The following DAB1 variants were observed in gnomAD, a reference collection of about 807,000 sequenced individuals.
DAB1 encodes the protein disabled homolog 1.
Under a neutral mutation model 64.6 loss-of-function variants are expected in DAB1, and 15 were observed. The ratio of observed to expected loss-of-function variants is 0.23; its 90% CI spans 0.16 to 0.36. The LOEUF (loss-of-function observed/expected upper bound fraction) is 0.36. DAB1 is among the 10% of genes least tolerant of loss of function. The pLI, the probability that DAB1 is intolerant of heterozygous loss-of-function variation, is 1.00. For synonymous variants in DAB1, 235 were observed against 251.9 expected (o/e 0.93, Z 0.64); for missense variants, 596 against 706.7 (o/e 0.84, Z 1.78).
At chr1:57,823,663 A>G (rs1652222270), downstream of DAB1, among the ~76,000 whole-genome samples, 1 of 152,144 alleles carries the variant, frequency 6.6e-6, no homozygotes, top group Non-Finnish European at 1.5e-5. Context: ...CCTCATCCCA[A>G]TTGTTGGGTA....
intron 5 of DAB1, among the ~76,000 whole-genome samples, chr1:57,924,930 T>C (rs890799833): frequency 3.3e-5 from 5 of 152,166 alleles, no homozygotes; most frequent in African/African-American, 1.2e-4. Context: ...TCACCATAAA[T>C]TGTATTAGTT....
chr1:57,847,268 A>T (rs1653330244), intron 1 of DAB1, among the ~76,000 whole-genome samples: 1 of 151,996 alleles, frequency 6.6e-6, no homozygotes. Context: ...TCAGCTTTTA[A>T]ATCACAGGAG....
chr1:57,110,311 AC>A (rs376590105), intron 4 of DAB1, among the ~76,000 whole-genome samples: 1 of 152,302 alleles, frequency 6.6e-6, no homozygotes, highest in African/African-American at 2.4e-5. Context: ...GAGCCCTGCT[AC>A]CTTCAGAGCT....
chr1:57,181,754 A>T (rs1220648360), intron 2 of DAB1, among the ~76,000 whole-genome samples: 1 of 152,236 alleles, frequency 6.6e-6, no homozygotes, highest in African/African-American at 2.4e-5. Context: ...AAGACAGGCA[A>T]ATGTGAATTT....
intron 2 of DAB1, among the ~76,000 whole-genome samples, chr1:57,185,919 G>A (rs766606803): frequency 3.3e-5 from 5 of 152,040 alleles, no homozygotes; most frequent in African/African-American, 7.2e-5. Context: ...AAGCAGAACC[G>A]TGGACAATTT....
At chr1:58,412,644 ACT>A (rs1205343954) in intron 3 of DAB1, among the ~76,000 whole-genome samples, 1 of 152,100 alleles carries the variant, frequency 6.6e-6, no homozygotes, top group Non-Finnish European at 1.5e-5. Context: ...TGAAAGGGAA[ACT>A]CTTTGTAAGA....
At chr1:58,405,696 T>C (rs562797627) in intron 3 of DAB1, among the ~76,000 whole-genome samples, 2 of 152,368 alleles carry the variant, frequency 1.3e-5, no homozygotes, top group African/African-American at 4.8e-5. Context: ...AGTATCCTTA[T>C]GTCTCCTGCT....
chr1:57,634,068 C>T (rs982019945), intron 7 of DAB1, among the ~76,000 whole-genome samples: 7 of 152,146 alleles, frequency 4.6e-5, no homozygotes, highest in Non-Finnish European at 8.8e-5. Flanking sequence ...TGCAGAAAGG[C>T]AGGGAAACTG....
chr1:58,535,903 A>G (rs532552469), intron 1 of DAB1, among the ~76,000 whole-genome samples: 4 of 152,302 alleles, frequency 2.6e-5, no homozygotes, highest in South Asian at 2.1e-4. Context: ...TTTTCAAGGT[A>G]TAAGAATTCT....
At chr1:57,702,267 T>G (rs1460588133) in intron 6 of DAB1, among the ~76,000 whole-genome samples, 1 of 152,184 alleles carries the variant, frequency 6.6e-6, no homozygotes, top group Non-Finnish European at 1.5e-5. Flanking sequence ...TGGTGATTAC[T>G]TTGGTGCTGA....
rs1046116016 is a variant in DAB1, at chr1:57,914,159, G to A, written n.388-29997C>T. Among the ~76,000 whole-genome samples the A allele has an allele frequency of 2.7e-3, 412 of 152,130 alleles. 2 individuals carry two copies. The highest frequency in any genetic ancestry group is 4.9e-3 in the Non-Finnish European group (335 of 68,016). On this transcript the variant is annotated intron_variant and non_coding_transcript_variant, in intron 5 of 20. Coordinates refer to the DAB1 transcript ENST00000485760. ...ACACATGCACACGTATGTTTATTGCGGCACTATTCACAATAGCAAAGACTT... is the reference window on the plus strand; with the variant it reads ...ACACATGCACACGTATGTTTATTGCAGCACTATTCACAATAGCAAAGACTT...
intron 3 of DAB1, among the ~76,000 whole-genome samples, chr1:58,495,479 T>C (rs1645784659): frequency 6.6e-6 from 1 of 152,152 alleles, no homozygotes; most frequent in Admixed American, 6.6e-5. Flanking sequence ...TAAATTTTAT[T>C]TTTCATATTA....
chr1:58,541,051 T>C (rs1222941527), intron 1 of DAB1, among the ~76,000 whole-genome samples: 2 of 151,948 alleles, frequency 1.3e-5, no homozygotes, highest in African/African-American at 4.8e-5. Context: ...GGCTCACGCC[T>C]GTAATCCCAG....
intron 5 of DAB1, among the ~76,000 whole-genome samples, chr1:57,924,174 C>T (rs1184945630): frequency 6.6e-6 from 1 of 152,198 alleles, no homozygotes; most frequent in Non-Finnish European, 1.5e-5. Context: ...TTAATGAGCA[C>T]CACTGTTTAT....
intron 1 of DAB1, among the ~76,000 whole-genome samples, chr1:57,316,701 G>A (rs1675241031): frequency 6.6e-6 from 1 of 152,190 alleles, no homozygotes; most frequent in African/African-American, 2.4e-5. Flanking sequence ...GTTGTTCAGT[G>A]AGAACCATTT....
At chr1:58,524,476 T>C (rs899807015) in intron 2 of DAB1, among the ~76,000 whole-genome samples, 3 of 152,250 alleles carry the variant, frequency 2.0e-5, no homozygotes, top group Admixed American at 6.5e-5. Flanking sequence ...TTAGAGTCTA[T>C]AGATAGGCCT....
intron 14 of DAB1, among the ~76,000 whole-genome samples, chr1:56,998,951 AT>A (rs1368004077): frequency 6.6e-6 from 1 of 152,130 alleles, no homozygotes; most frequent in African/African-American, 2.4e-5. Context: ...GGCCAAGCAG[AT>A]TTGATGGATA....
chr1:57,755,240 T>C (rs909475519), intron 6 of DAB1, among the ~76,000 whole-genome samples: 1 of 152,174 alleles, frequency 6.6e-6, no homozygotes, highest in Non-Finnish European at 1.5e-5. Context: ...GGGATTTTGA[T>C]TGGAGTAGCT....
intron 5 of DAB1, among the ~76,000 whole-genome samples, chr1:57,939,061 CA>C (rs1282793396): frequency 6.6e-6 from 1 of 152,076 alleles, no homozygotes; most frequent in Admixed American, 6.6e-5. Context: ...GAACAACAAA[CA>C]TTTATTTTTC....
Sources: allele counts gnomAD v4.1 joint callset (sites outside exome capture counted in the v4.1 genomes callset), GRCh38; gene constraint gnomAD v4.1.1; transcripts MANE v1.5; gene names NCBI Gene and HGNC (gene_info 2026-07-23, HGNC 2026-07-21).